The following CCDC102B variants were observed in gnomAD, a reference collection of about 807,000 sequenced individuals.
CCDC102B encodes the protein coiled-coil domain containing 102B.
Under a neutral mutation model 57.4 loss-of-function variants are expected in CCDC102B, and 75 were observed. The ratio of observed to expected loss-of-function variants is 1.31; its 90% CI spans 1.08 to 1.58. The LOEUF is 1.58. Ranked by LOEUF, CCDC102B falls within the 40% of genes most tolerant of loss-of-function variation. CCDC102B has a pLI of 0.00. For missense variants in CCDC102B, 636 were observed against 582.6 expected (o/e 1.09, Z -0.94); for synonymous variants, 206 against 201.9 (o/e 1.02, Z -0.17).
At chr18:68,756,260 C>A (rs2034046077) in intron 2 of CCDC102B, among the ~76,000 whole-genome samples, 3 of 148,578 alleles carry the variant, frequency 2.0e-5, no homozygotes, top group Admixed American at 2.0e-4. Flanking sequence ...ATAAGTTAAT[C>A]CACAGTAAAT....
chr18:68,735,022 A>G (rs1025445470), intron 2 of CCDC102B, among the ~76,000 whole-genome samples: 1 of 152,168 alleles, frequency 6.6e-6, no homozygotes, highest in Non-Finnish European at 1.5e-5. Context: ...TATATTGCTG[A>G]AATACCTTTT....
At chr18:68,750,342 G>A (rs1266310051) in intron 2 of CCDC102B, among the ~76,000 whole-genome samples, 5 of 152,162 alleles carry the variant, frequency 3.3e-5, no homozygotes, top group Non-Finnish European at 7.3e-5. Flanking sequence ...TACACTGTTG[G>A]TGGGACTGTA....
intron 3 of CCDC102B, among the ~76,000 whole-genome samples, chr18:68,844,594 A>G (rs72951356): frequency 0.019 from 2,944 of 151,986 alleles, 54 homozygotes; most frequent in Middle Eastern, 0.048. Flanking sequence ...TCAATACTCA[A>G]TATCTTTTAA....
At chr18:68,719,962 GATA>G (rs1305097550) in intron 2 of CCDC102B, among the ~76,000 whole-genome samples, 1 of 152,062 alleles carries the variant, frequency 6.6e-6, no homozygotes, top group East Asian at 1.9e-4. Context: ...CACTGAAAAA[GATA>G]ATAATCATGA....
chr18:68,790,708 C>T (rs999312106), intron 2 of CCDC102B, among the ~76,000 whole-genome samples: 4 of 152,168 alleles, frequency 2.6e-5, no homozygotes, highest in East Asian at 1.9e-4. Context: ...TGCGCGCACC[C>T]ACTGACCTGC....
intron 2 of CCDC102B, among the ~76,000 whole-genome samples, chr18:68,768,721 A>G (rs1433252324): frequency 6.6e-6 from 1 of 151,878 alleles, no homozygotes; most frequent in African/African-American, 2.4e-5. Context: ...TTAGGTTAAA[A>G]CTATATAAAT....
At chr18:68,723,821 G>T (rs186545015) in intron 2 of CCDC102B, among the ~76,000 whole-genome samples, 1 of 152,322 alleles carries the variant, frequency 6.6e-6, no homozygotes, top group Admixed American at 6.5e-5. Context: ...CCATTCTGGG[G>T]TGTGGAGGAT....
At chr18:68,999,554 C>T (rs918047006) in intron 6 of CCDC102B, among the ~76,000 whole-genome samples, 1 of 151,964 alleles carries the variant, frequency 6.6e-6, no homozygotes, top group Non-Finnish European at 1.5e-5. Flanking sequence ...TGCTGTGAGC[C>T]GAGATTGTGC....
intron 2 of CCDC102B, among the ~76,000 whole-genome samples, chr18:68,751,297 G>A (rs2033842016): frequency 6.6e-6 from 1 of 152,054 alleles, no homozygotes; most frequent in Admixed American, 6.6e-5. Flanking sequence ...TTTGTTTTAT[G>A]TGTGTTTTTG....
At chr18:68,780,233 T>G (rs1255073447) in intron 2 of CCDC102B, among the ~76,000 whole-genome samples, 2 of 152,176 alleles carry the variant, frequency 1.3e-5, no homozygotes, top group Non-Finnish European at 2.9e-5. Flanking sequence ...CTATTGAATT[T>G]ATGTGCCATG....
chr18:68,735,389 G>A (rs967906589), intron 2 of CCDC102B, among the ~76,000 whole-genome samples: 10 of 152,082 alleles, frequency 6.6e-5, no homozygotes, highest in Non-Finnish European at 1.2e-4. Context: ...ACATTTGCTT[G>A]GGTATATAAT....
intron 6 of CCDC102B, chr18:68,992,945 G>T: frequency 5.7e-6 from 1 of 176,068 alleles, no homozygotes; most frequent in South Asian, 1.2e-4. Flanking sequence ...CTGCCCACCA[G>T]AGGTCTGAGT....
chr18:68,798,810 G>A (rs72958045), intron 1 of CCDC102B, among the ~76,000 whole-genome samples: 20,867 of 151,838 alleles, frequency 0.14, 1,673 homozygotes, highest in East Asian at 0.34. Context: ...CTATATAGAA[G>A]TAAATTATAA....
At chr18:68,869,273 G>A (rs2039135463) in intron 4 of CCDC102B, among the ~76,000 whole-genome samples, 1 of 152,150 alleles carries the variant, frequency 6.6e-6, no homozygotes, top group Non-Finnish European at 1.5e-5. Flanking sequence ...ATTGAGGATT[G>A]ACACCAAGCA....
At chr18:68,788,074 A>G (rs1037565366) in intron 2 of CCDC102B, among the ~76,000 whole-genome samples, 1 of 151,260 alleles carries the variant, frequency 6.6e-6, no homozygotes, top group Non-Finnish European at 1.5e-5. Context: ...TTCTGCCTTC[A>G]TTTCGTTATG....
chr18:68,924,866 T>C (rs1274834900), intron 6 of CCDC102B, among the ~76,000 whole-genome samples: 1 of 152,114 alleles, frequency 6.6e-6, no homozygotes, highest in Non-Finnish European at 1.5e-5. Flanking sequence ...TCTCAAATTT[T>C]AGTGGGTTAC....
At chr18:68,925,174 T>C (rs1025154647) in intron 6 of CCDC102B, among the ~76,000 whole-genome samples, 3 of 152,100 alleles carry the variant, frequency 2.0e-5, no homozygotes, top group African/African-American at 7.2e-5. Context: ...TGACAAAATG[T>C]ATTACAAAAT....
chr18:68,883,079 CAT>C (rs1034284473), intron 5 of CCDC102B, among the ~76,000 whole-genome samples: 1 of 152,140 alleles, frequency 6.6e-6, no homozygotes, highest in African/African-American at 2.4e-5. Context: ...CCCCATGACA[CAT>C]GTTTACTTGT....
At chr18:68,994,807 C>A (rs2050977433) in intron 6 of CCDC102B, among the ~76,000 whole-genome samples, 1 of 152,278 alleles carries the variant, frequency 6.6e-6, no homozygotes, top group South Asian at 2.1e-4. Context: ...TTCTTTATAG[C>A]AGTGTGAAAA....
Sources: gnomAD v4.1 joint callset for allele counts (sites outside exome capture counted in the v4.1 genomes callset) on GRCh38, gnomAD v4.1.1 for gene constraint, MANE v1.5 for transcripts, NCBI Gene and HGNC (gene_info 2026-07-23, HGNC 2026-07-21) for gene names.